Variants in LRRC3B observed in about 807,000 individuals in gnomAD.
LRRC3B encodes leucine rich repeat containing 3B.
In LRRC3B, 2 loss-of-function variants were observed where a neutral mutation model predicts 12.8. The observed-to-expected ratio is 0.16, with a 90% CI of 0.06 to 0.49. LRRC3B has a LOEUF of 0.49. Among genes scored for constraint, LRRC3B ranks in the 20% least tolerant of loss-of-function variants. The pLI is 0.96. For synonymous variants in LRRC3B, 132 were observed against 122.0 expected (o/e 1.08, Z -0.54); for missense variants, 189 against 319.4 (o/e 0.59, Z 3.11).
chr3:26,667,534 C>T (rs1013112654), intron 1 of LRRC3B, among the ~76,000 whole-genome samples: 2 of 152,156 alleles, frequency 1.3e-5, no homozygotes, highest in African/African-American at 4.8e-5. Context: ...CACTGTTCTA[C>T]CATCCCTAAA....
chr3:26,655,700 A>G (rs1433765191), intron 1 of LRRC3B, among the ~76,000 whole-genome samples: 1 of 152,158 alleles, frequency 6.6e-6, no homozygotes, highest in Non-Finnish European at 1.5e-5. Context: ...ATCATTATTA[A>G]CCACCCTATT....
chr3:26,694,006 C>T (rs570151502), intron 1 of LRRC3B, among the ~76,000 whole-genome samples: 1 of 152,226 alleles, frequency 6.6e-6, no homozygotes, highest in South Asian at 2.1e-4. Context: ...ATTTTTTCTT[C>T]TCTGCCTGCA....
intron 1 of LRRC3B, among the ~76,000 whole-genome samples, chr3:26,677,659 AAC>A (rs1483432861): frequency 6.6e-6 from 1 of 152,230 alleles, no homozygotes; most frequent in Non-Finnish European, 1.5e-5. Context: ...ATCCCAAAGA[AAC>A]ACATGTATAC....
chr3:26,663,001 A>G (rs928009457), intron 1 of LRRC3B, among the ~76,000 whole-genome samples: 1 of 152,100 alleles, frequency 6.6e-6, no homozygotes, highest in Non-Finnish European at 1.5e-5. Flanking sequence ...ACCTTTGGGC[A>G]GAAGGGAAAC....
intron 1 of LRRC3B, among the ~76,000 whole-genome samples, chr3:26,699,052 T>A (rs907355085): frequency 2.0e-5 from 3 of 152,156 alleles, no homozygotes; most frequent in Non-Finnish European, 1.5e-5. Context: ...GTTTATTTTT[T>A]ATTTTTGTTT....
At chr3:26,634,195 A>T (rs896194298) in intron 1 of LRRC3B, among the ~76,000 whole-genome samples, 1 of 152,252 alleles carries the variant, frequency 6.6e-6, no homozygotes, top group Non-Finnish European at 1.5e-5. Context: ...GTTTTCTGCC[A>T]GATGGCTATA....
chr3:26,645,559 T>G (rs759591894), intron 1 of LRRC3B, among the ~76,000 whole-genome samples: 1 of 152,010 alleles, frequency 6.6e-6, no homozygotes, highest in African/African-American at 2.4e-5. Context: ...TATCTATATA[T>G]ATATAGATAT....
chr3:26,671,218 T>C (rs1699718519), intron 1 of LRRC3B, among the ~76,000 whole-genome samples: 1 of 144,046 alleles, frequency 6.9e-6, no homozygotes, highest in Non-Finnish European at 1.5e-5. Flanking sequence ...GGTTTCACCG[T>C]TTTAGCCGGG....
chr3:26,673,958 G>T (rs73150423), intron 1 of LRRC3B, among the ~76,000 whole-genome samples: 110 of 152,304 alleles, frequency 7.2e-4, no homozygotes, highest in African/African-American at 2.5e-3. Context: ...CTGACCTAGT[G>T]TAGATTGTAA....
At chr3:26,682,178 A>G (rs892341122) in intron 1 of LRRC3B, among the ~76,000 whole-genome samples, 1 of 152,192 alleles carries the variant, frequency 6.6e-6, no homozygotes, top group African/African-American at 2.4e-5. Context: ...ACCGCGAATA[A>G]GAGGGTACTG....
intron 1 of LRRC3B, among the ~76,000 whole-genome samples, chr3:26,686,593 T>C (rs1040700081): frequency 6.6e-6 from 1 of 152,032 alleles, no homozygotes; most frequent in Non-Finnish European, 1.5e-5. Flanking sequence ...TTGAAAAAAG[T>C]AAATATTCAG....
At chr3:26,709,309 T>C (rs1179159592) in intron 1 of LRRC3B, among the ~76,000 whole-genome samples, 1 of 152,178 alleles carries the variant, frequency 6.6e-6, no homozygotes, top group East Asian at 1.9e-4. Flanking sequence ...AATATCTTCA[T>C]ATGTTCACAG....
intron 1 of LRRC3B, chr3:26,625,033 T>C: frequency 6.6e-6 from 1 of 152,552 alleles, no homozygotes; most frequent in Non-Finnish European, 1.5e-5. Context: ...AGAGGTGCCT[T>C]TGGCTGAGAG....
intron 1 of LRRC3B, among the ~76,000 whole-genome samples, chr3:26,673,963 T>C (rs1469830789): frequency 1.3e-5 from 2 of 152,126 alleles, no homozygotes; most frequent in Non-Finnish European, 2.9e-5. Context: ...CTAGTGTAGA[T>C]TGTAAATAAC....
chr3:26,641,451 C>G (rs1699029600), intron 1 of LRRC3B, among the ~76,000 whole-genome samples: 1 of 152,166 alleles, frequency 6.6e-6, no homozygotes, highest in South Asian at 2.1e-4. Context: ...GTCTGCCTTC[C>G]AGATCTCAGG....
At chr3:26,642,265 G>A (rs1699045426) in intron 1 of LRRC3B, among the ~76,000 whole-genome samples, 1 of 152,152 alleles carries the variant, frequency 6.6e-6, no homozygotes, top group Non-Finnish European at 1.5e-5. Context: ...CTCATCTTCA[G>A]GAATCCCCTG....
intron 1 of LRRC3B, among the ~76,000 whole-genome samples, chr3:26,636,108 G>A (rs548128608): frequency 2.8e-4 from 42 of 152,264 alleles, no homozygotes; most frequent in African/African-American, 9.1e-4. Flanking sequence ...GCAAGCAAGT[G>A]ACTGTTTCTA....
chr3:26,632,074 A>G (rs1324938072), intron 1 of LRRC3B, among the ~76,000 whole-genome samples: 2 of 152,244 alleles, frequency 1.3e-5, no homozygotes, highest in Admixed American at 6.5e-5. Flanking sequence ...CATCTGGAGC[A>G]CTTCTGGGAG....
At chr3:26,706,233 G>T (rs752662574) in intron 1 of LRRC3B, among the ~76,000 whole-genome samples, 2 of 151,938 alleles carry the variant, frequency 1.3e-5, no homozygotes, top group African/African-American at 4.8e-5. Flanking sequence ...CTTCTCAAAG[G>T]CCCCACCTCC....
Sources: allele counts gnomAD v4.1 joint callset (sites outside exome capture counted in the v4.1 genomes callset), GRCh38; gene constraint gnomAD v4.1.1; transcripts MANE v1.5; gene names NCBI Gene and HGNC (gene_info 2026-07-23, HGNC 2026-07-21).